The following GABRB1 variants were observed in gnomAD, a reference collection of about 807,000 sequenced individuals.
GABRB1 encodes the protein gamma-aminobutyric acid receptor subunit beta-1.
In GABRB1, 17 loss-of-function variants were observed where a neutral mutation model predicts 51.6. The ratio of observed to expected loss-of-function variants is 0.33; its 90% CI spans 0.23 to 0.49. The LOEUF (loss-of-function observed/expected upper bound fraction) is 0.49, where lower values mean the gene tolerates loss of function less well. GABRB1 is among the 20% of genes least tolerant of loss of function. GABRB1 has a pLI of 0.99. For synonymous variants in GABRB1, 247 were observed against 218.9 expected, an observed-to-expected ratio of 1.13 and a Z score of -1.14; for missense variants, 410 against 600.6, an observed-to-expected ratio of 0.68 and a Z score of 3.32.
intron 3 of GABRB1, among the ~76,000 whole-genome samples, chr4:47,069,785 C>T (rs1727240976): frequency 6.6e-6 from 1 of 151,806 alleles, no homozygotes; most frequent in Non-Finnish European, 1.5e-5. Context: ...AAATATAGTC[C>T]TATTTCTCTT....
intron 4 of GABRB1, among the ~76,000 whole-genome samples, chr4:47,279,846 C>CT (rs796803728): frequency 5.7e-4 from 78 of 137,124 alleles, no homozygotes; most frequent in Non-Finnish European, 6.9e-4. Flanking sequence ...ATAGTTTGGT[C>CT]TTTTTTTTTT....
intron 4 of GABRB1, among the ~76,000 whole-genome samples, chr4:47,293,582 A>T (rs1264142246): frequency 6.6e-6 from 1 of 152,244 alleles, no homozygotes; most frequent in Non-Finnish European, 1.5e-5. Context: ...TGATTTAGAA[A>T]TGGAAAAATC....
At chr4:47,386,884 C>G (rs912732947) in intron 5 of GABRB1, among the ~76,000 whole-genome samples, 1 of 152,144 alleles carries the variant, frequency 6.6e-6, no homozygotes, top group Non-Finnish European at 1.5e-5. Flanking sequence ...ACTTTCTTAT[C>G]TGATAGGCTG....
chr4:47,178,415 G>A (rs1053953150), intron 4 of GABRB1, among the ~76,000 whole-genome samples: 4 of 152,118 alleles, frequency 2.6e-5, no homozygotes, highest in Admixed American at 1.3e-4. Context: ...CTGTCCTTTA[G>A]AATCTCTCCA....
intron 4 of GABRB1, among the ~76,000 whole-genome samples, chr4:47,303,616 T>C (rs965738271): frequency 6.6e-6 from 1 of 152,014 alleles, no homozygotes; most frequent in Non-Finnish European, 1.5e-5. Context: ...TACCTTTTTA[T>C]CATTTATTTT....
intron 1 of GABRB1, among the ~76,000 whole-genome samples, chr4:47,000,129 A>G (rs1724134301): frequency 6.6e-6 from 1 of 152,190 alleles, no homozygotes; most frequent in Non-Finnish European, 1.5e-5. Flanking sequence ...CAGGGAGCAA[A>G]CCACTTTCTC....
At chr4:47,021,538 A>AG in intron 1 of GABRB1, among the ~76,000 whole-genome samples, 1 of 152,110 alleles carries the variant, frequency 6.6e-6, no homozygotes, top group East Asian at 1.9e-4. Flanking sequence ...GATCCTCTGC[A>AG]GGTATGTTTA....
upstream of GABRB1, among the ~76,000 whole-genome samples, chr4:47,027,912 T>C (rs1725151863): frequency 6.6e-6 from 1 of 151,668 alleles, no homozygotes; most frequent in Non-Finnish European, 1.5e-5. Flanking sequence ...AATACATGCA[T>C]CCAATAACAT....
At chr4:47,216,751 G>A (rs1198203623) in intron 4 of GABRB1, among the ~76,000 whole-genome samples, 1 of 151,870 alleles carries the variant, frequency 6.6e-6, no homozygotes, top group Non-Finnish European at 1.5e-5. Context: ...TTTGCAATAA[G>A]ATCTTGCATG....
chr4:47,114,196 G>A (rs1000246955), intron 3 of GABRB1, among the ~76,000 whole-genome samples: 5 of 127,332 alleles, frequency 3.9e-5, no homozygotes, highest in Non-Finnish European at 8.7e-5. Flanking sequence ...ATCATTCCAA[G>A]GCGTATGAAG....
intron 4 of GABRB1, among the ~76,000 whole-genome samples, chr4:47,200,592 T>C (rs1719861516): frequency 6.6e-6 from 1 of 152,140 alleles, no homozygotes; most frequent in South Asian, 2.1e-4. Flanking sequence ...GTACCTTATA[T>C]TGTGGAAGTG....
intron 3 of GABRB1, among the ~76,000 whole-genome samples, chr4:47,126,912 T>A (rs1716169874): frequency 6.6e-6 from 1 of 151,998 alleles, no homozygotes; most frequent in Admixed American, 6.6e-5. Flanking sequence ...GAATGATATA[T>A]GCATATCTAT....
intron 3 of GABRB1, among the ~76,000 whole-genome samples, chr4:47,071,464 GCCTGCCT>G (rs1468319323): frequency 6.6e-6 from 1 of 151,960 alleles, no homozygotes; most frequent in Non-Finnish European, 1.5e-5. Context: ...CCCCAGCCAT[GCCTGCCT>G]CCTTTCTGTT....
intron 3 of GABRB1, among the ~76,000 whole-genome samples, chr4:47,040,837 C>T (rs1300175279): frequency 3.9e-5 from 6 of 152,030 alleles, no homozygotes; most frequent in African/African-American, 1.4e-4. Flanking sequence ...TTAATTATCC[C>T]TAGTAATATA....
chr4:47,385,807 G>C (rs1727772620), intron 5 of GABRB1, among the ~76,000 whole-genome samples: 1 of 152,066 alleles, frequency 6.6e-6, no homozygotes, highest in Non-Finnish European at 1.5e-5. Flanking sequence ...TCAAATCAGG[G>C]GCTCCCACAA....
chr4:47,250,337 T>C (rs897245047), intron 4 of GABRB1, among the ~76,000 whole-genome samples: 1 of 152,196 alleles, frequency 6.6e-6, no homozygotes, highest in Non-Finnish European at 1.5e-5. Flanking sequence ...ATCTGATAGA[T>C]TTTCCTTTAT....
chr4:47,152,778 A>C, intron 3 of GABRB1, among the ~76,000 whole-genome samples: 1 of 152,010 alleles, frequency 6.6e-6, no homozygotes, highest in East Asian at 1.9e-4. Flanking sequence ...CCTGGTGGCC[A>C]TCCTTTGGTG....
chr4:47,421,949 C>T (rs905103624), intron 8 of GABRB1, among the ~76,000 whole-genome samples: 1 of 152,114 alleles, frequency 6.6e-6, no homozygotes, highest in African/African-American at 2.4e-5. Flanking sequence ...ATGTAATTCT[C>T]CCTCCTTTAA....
chr4:47,413,777 C>T (rs1728833383), intron 8 of GABRB1, among the ~76,000 whole-genome samples: 2 of 152,120 alleles, frequency 1.3e-5, no homozygotes, highest in South Asian at 4.2e-4. Context: ...GGAGTGCTTG[C>T]TTTGTCTTGA....
Sources: allele counts gnomAD v4.1 joint callset (sites outside exome capture counted in the v4.1 genomes callset), GRCh38; gene constraint gnomAD v4.1.1; transcripts MANE v1.5; gene names NCBI Gene and HGNC (gene_info 2026-07-23, HGNC 2026-07-21).